The following TBCE variants were observed in gnomAD, a reference collection of about 807,000 sequenced individuals.
The protein encoded by TBCE is tubulin-specific chaperone E.
TBCE carries 53 observed loss-of-function variants against 77.0 expected under a neutral mutation model. The ratio of observed to expected loss-of-function variants is 0.69; its 90% CI spans 0.55 to 0.87. The LOEUF (loss-of-function observed/expected upper bound fraction) is 0.87. Among genes scored for constraint, TBCE ranks in the 40% least tolerant of loss-of-function variants. The pLI is 0.00. For missense variants in TBCE, 624 were observed against 622.4 expected, an observed-to-expected ratio of 1.00 and a Z score of -0.03; for synonymous variants, 235 against 241.3, an observed-to-expected ratio of 0.97 and a Z score of 0.24.
chr1:235,377,745 G>A (rs922291340), intron 1 of TBCE, among the ~76,000 whole-genome samples: 5 of 150,614 alleles, frequency 3.3e-5, no homozygotes, highest in African/African-American at 7.3e-5. Context: ...TCTGCCTCCC[G>A]GGTTCAAGCG....
intron 12 of TBCE, among the ~76,000 whole-genome samples, chr1:235,437,850 T>A (rs1681565810): frequency 2.6e-5 from 4 of 151,062 alleles, no homozygotes; most frequent in Non-Finnish European, 5.9e-5. Context: ...AGTAAAAAAA[T>A]TATTTTTGAA....
Position 235,450,262 on chromosome 1 carries a change from C to T in TBCE, c.*1500C>T. The T allele has an allele frequency of 1.9e-6, 3 of 1,614,126 alleles. No individual in the cohort carries two copies. The highest frequency in any genetic ancestry group is 2.5e-6 in the Non-Finnish European group (3 of 1,179,980). Reference sequence around the variant, plus strand: ...CACCGTTCCTTCAGTTTCCACAGTTCCGTCAGTTCCCACGGAGAATACTGA... The same window carrying T: ...CACCGTTCCTTCAGTTTCCACAGTTTCGTCAGTTCCCACGGAGAATACTGA... On this transcript the variant is annotated 3_prime_UTR_variant, in exon 17 of 17. Transcript: ENST00000642610.
At chr1:235,402,025 TATC>T in intron 3 of TBCE, among the ~76,000 whole-genome samples, 1 of 151,996 alleles carries the variant, frequency 6.6e-6, no homozygotes, top group Non-Finnish European at 1.5e-5. Context: ...ATAAATTTCT[TATC>T]ATAGGAAGAG....
chr1:235,384,389 TG>T (rs1483553094), intron 2 of TBCE, among the ~76,000 whole-genome samples: 1 of 147,000 alleles, frequency 6.8e-6, no homozygotes, highest in Non-Finnish European at 1.5e-5. Flanking sequence ...TCAGAAGGAA[TG>T]GTACCTGTTC....
chr1:235,386,004 C>T (rs1677975398), intron 2 of TBCE, among the ~76,000 whole-genome samples: 3 of 152,086 alleles, frequency 2.0e-5, no homozygotes, highest in Non-Finnish European at 4.4e-5. Flanking sequence ...TCTTTTAGGG[C>T]AGGCCTGGTG....
chr1:235,423,178 G>A (rs770910904), intron 5 of TBCE, among the ~76,000 whole-genome samples: 23 of 152,174 alleles, frequency 1.5e-4, no homozygotes, highest in Admixed American at 1.3e-3. Flanking sequence ...CTGCAGACCC[G>A]GGTGTGTCAA....
chr1:235,372,922 TAAAAAAA>T (rs71174418), intron 1 of TBCE, among the ~76,000 whole-genome samples: 8 of 76,202 alleles, frequency 1.0e-4, no homozygotes, highest in South Asian at 8.1e-4. Flanking sequence ...AGACTCCGTC[TAAAAAAA>T]AAAAAAAAAA....
chr1:235,451,488 A>AAAAAAG lies in TBCE; in HGVS notation c.*2730_*2731insAGAAAA, dbSNP rs1441065503. 1 of 151,874 alleles carries AAAAAAG rather than the reference A, an allele frequency of 6.6e-6. No individual in the cohort carries two copies. The highest frequency in any genetic ancestry group is 2.4e-5 in the African/African-American group (1 of 41,340). 9.4% of individuals were successfully genotyped at this position (151,874 alleles called of 1,614,324 possible). A position where few individuals can be genotyped will look rare whatever the true frequency, so the allele number is the denominator to read the frequency against. On this transcript the variant is annotated 3_prime_UTR_variant, in exon 17 of 17. Coordinates refer to ENST00000642610, the MANE Select transcript of TBCE (RefSeq NM_003193.5). ...AGATGGTCACAAAAAAAAAAAAAAA[A>AAAAAAG]AAAAGACCGCATCAGAAAACAAGCG...
intron 7 of TBCE, 107 bp from the exon 8 acceptor site, chr1:235,434,097 T>C: frequency 2.0e-6 from 2 of 981,714 alleles, no homozygotes; most frequent in Non-Finnish European, 1.6e-6. Context: ...GAGGCACTTG[T>C]TTGCTGAAAC....
rs1681044989 is a variant in TBCE at position 235,430,846 on chromosome 1, TA to T, written c.660+47del. 3 of 1,530,272 alleles carry T rather than the reference TA, an allele frequency of 2.0e-6. No individual in the cohort carries two copies. The South Asian group carries it at 3.4e-5, about 17-fold the overall frequency. The allele number at this position is 1,530,272 out of a possible 1,614,324, so 94.8% of individuals were successfully genotyped here. A position where few individuals can be genotyped will look rare whatever the true frequency, so the allele number is the denominator to read the frequency against. On this transcript the variant is annotated intron_variant, in intron 7 of 16. Transcript: ENST00000642610. ...GTTTTATTACACATTAATAAGCAATTAAAAATGTTTGGTTTAATAGAGAATT... is the reference window on the plus strand; with the variant it reads ...GTTTTATTACACATTAATAAGCAATTAAAATGTTTGGTTTAATAGAGAATT...
At position 235,414,539 on chromosome 1, in the gene TBCE, G is replaced by T. The variant is rs1680004062; in HGVS notation, c.292G>T (p.Asp98Tyr). The change falls in exon 4 of 17, where the codon GAT (aspartate) becomes TAT (tyrosine). Residue 98 changes from aspartate to tyrosine, a missense_variant. By Grantham distance (160) the Asp-to-Tyr change is radical (BLOSUM62 -3). Coordinates refer to ENST00000642610, the MANE Select transcript of TBCE (RefSeq NM_003193.5). ...RYVLEDGPEEDRKEQIVTIGN... is the reference protein window; with the variant it reads ...RYVLEDGPEEYRKEQIVTIGN... ...TGTGTTAGAAGATGGACCAGAGGAA[G>T]ATAGAAAAGAGCAAATTGTTACAAT... 6.2e-7 allele frequency: 1 copy of T among 1,613,892 alleles called. No homozygotes were observed.
intron 3 of TBCE, among the ~76,000 whole-genome samples, chr1:235,407,545 A>G (rs894822326): frequency 6.6e-6 from 1 of 152,164 alleles, no homozygotes; most frequent in African/African-American, 2.4e-5. Flanking sequence ...TTTAGTAGCT[A>G]TTAAATAAAA....
Position 235,419,512 on chromosome 1 carries a change from T to C in TBCE, c.411T>C (p.Cys137=), listed in dbSNP as rs1201236914. Residue 137 remains cysteine, a synonymous_variant, in exon 5 of 17, where the codon TGT becomes TGC. Coordinates refer to ENST00000642610, the MANE Select transcript of TBCE (RefSeq NM_003193.5). ...TGCAAGAAGTTTCTCTGAGGAACTGTGCAGTAAGTTGTGCTGGTGAAAAAG... is the reference window on the plus strand; with the variant it reads ...TGCAAGAAGTTTCTCTGAGGAACTGCGCAGTAAGTTGTGCTGGTGAAAAAG... The part of the protein sequence containing the change: ...SKLQEVSLRN[C]AVSCAGEKGG... 1.2e-6 allele frequency: 2 copies of C among 1,614,180 alleles called. No homozygotes were observed. The highest frequency in any genetic ancestry group is 1.7e-6 in the Non-Finnish European group (2 of 1,180,032).
At chr1:235,397,132 G>T (rs937035993) in intron 2 of TBCE, among the ~76,000 whole-genome samples, 2 of 151,432 alleles carry the variant, frequency 1.3e-5, no homozygotes, top group African/African-American at 4.8e-5. Context: ...GCGCCACCAC[G>T]CCCAGCTAAT....
Position 235,439,636 on chromosome 1 carries a change from C to T in TBCE, c.1270+714C>T, listed in dbSNP as rs183258807. ...CTGAGTAGCTGGGATTAGAGGCGCC[C>T]GCCACCACGCCCGACTAATTTTTGT... On this transcript the variant is annotated intron_variant, in intron 13 of 16. Coordinates refer to ENST00000642610, the MANE Select transcript of TBCE (RefSeq NM_003193.5). Among the ~76,000 whole-genome samples the T allele has an allele frequency of 4.7e-4, 71 of 151,024 alleles. No individual in the cohort carries two copies. The East Asian group carries it at 6.3e-3, about 14-fold the overall frequency.
chr1:235,432,312 T>C (rs1287079164), intron 7 of TBCE, among the ~76,000 whole-genome samples: 1 of 152,176 alleles, frequency 6.6e-6, no homozygotes, highest in Non-Finnish European at 1.5e-5. Flanking sequence ...ACCAAGGGTG[T>C]AGAAATACAT....
Position 235,450,798 on chromosome 1 carries a change from G to T in TBCE, c.*2036G>T. The T allele has an allele frequency of 6.6e-6, 1 of 151,684 alleles. No homozygotes were observed. Among genetic ancestry groups the T allele is most frequent in the Admixed American group, 6.5e-5 (1 of 15,440 alleles). The allele number at this position is 151,684 out of a possible 1,614,324, so 9.4% of individuals were successfully genotyped here. A position where few individuals can be genotyped will look rare whatever the true frequency, so the allele number is the denominator to read the frequency against. ...GAACTATTTCCCTCTTAACAATTGA[G>T]GAACAAACGAAGAGTTAAAAAACTT... On this transcript the variant is annotated 3_prime_UTR_variant, in exon 17 of 17. Transcript: ENST00000642610.
chr1:235,388,951 T>G (rs965587408), intron 2 of TBCE, among the ~76,000 whole-genome samples: 1 of 152,188 alleles, frequency 6.6e-6, no homozygotes, highest in East Asian at 1.9e-4. Flanking sequence ...TCATTATACA[T>G]TAGTGATGAT....
intron 3 of TBCE, chr1:235,414,016 G>A (rs1455880898): frequency 3.8e-6 from 1 of 260,386 alleles, no homozygotes; most frequent in Admixed American, 5.2e-5. Context: ...CACCACGCTG[G>A]ACTAATTTTT....
Sources: allele counts gnomAD v4.1 joint callset (sites outside exome capture counted in the v4.1 genomes callset), GRCh38; gene constraint gnomAD v4.1.1; transcripts MANE v1.5; gene names NCBI Gene and HGNC (gene_info 2026-07-23, HGNC 2026-07-21).